IFT172: variants seen among roughly 807,000 people sequenced by gnomAD.
The protein encoded by IFT172 is intraflagellar transport protein 172 homolog.
IFT172 carries 164 observed loss-of-function variants against 248.9 expected under a neutral mutation model. That is an observed-to-expected ratio of 0.66 (90% confidence interval 0.58 to 0.75). The LOEUF (loss-of-function observed/expected upper bound fraction) is 0.75, where lower values mean the gene tolerates loss of function less well. IFT172 is among the 30% of genes least tolerant of loss of function. The pLI, the probability that IFT172 is intolerant of heterozygous loss-of-function variation, is 0.00. For missense variants in IFT172, 1,950 were observed against 2,192.4 expected, an observed-to-expected ratio of 0.89 and a Z score of 2.21; for synonymous variants, 729 against 791.6, an observed-to-expected ratio of 0.92 and a Z score of 1.33.
chr2:27,487,921 T>C (rs1668880821), intron 1 of IFT172, among the ~76,000 whole-genome samples: 1 of 152,114 alleles, frequency 6.6e-6, no homozygotes, highest in African/African-American at 2.4e-5. Flanking sequence ...TGTAAATCCA[T>C]AAACCATAAT....
rs1420528738 is a variant in IFT172 at position 27,477,273 on chromosome 2, C to A, written c.1269G>T (p.Gly423=). The change falls in exon 13 of 48, where the codon GGG becomes GGT. Residue 423 remains glycine (G), a synonymous_variant. Transcript: ENST00000260570. ...GTACAGAACCCAGGGTGTCATTATT[C>A]CCATATTCCACCAGGGTTAGCTCTC... The part of the protein sequence containing the change: ...NAGELTLVEY[G]NNDTLGSVRT... 1 of 1,614,000 alleles carries A rather than the reference C, an allele frequency of 6.2e-7. No individual in the cohort carries two copies. The highest frequency in any genetic ancestry group is 1.3e-5 in the African/African-American group (1 of 74,884).
In IFT172 at chr2:27,457,951, C is replaced by T. The variant is rs1666300541; in HGVS notation, c.3001G>A (p.Asp1001Asn). 1 of 1,614,146 alleles carries T rather than the reference C, an allele frequency of 6.2e-7. No homozygotes were observed. Among genetic ancestry groups the T allele is most frequent in the Non-Finnish European group, 8.5e-7 (1 of 1,180,020 alleles). The change falls in exon 28 of 48, where the codon GAT (aspartate) becomes AAT (asparagine). Residue 1001 changes from aspartate (D) to asparagine (N), a missense_variant. Transcript: ENST00000260570. Reference protein sequence around the residue: ...ERLYVTVQEPDLAITMYKKHK... With the variant: ...ERLYVTVQEPNLAITMYKKHK... ...TTTTTGTACATGGTGATGGCAAGATCAGGCTCTTGTACTGTCACATATAGC... is the reference window on the plus strand; with the variant it reads ...TTTTTGTACATGGTGATGGCAAGATTAGGCTCTTGTACTGTCACATATAGC...
At chr2:27,456,025 A>G (rs1160895993) in intron 30 of IFT172, among the ~76,000 whole-genome samples, 2 of 152,102 alleles carry the variant, frequency 1.3e-5, no homozygotes, top group Non-Finnish European at 2.9e-5. Flanking sequence ...CATCCTGGCC[A>G]ACATGGTGAA....
At position 27,458,850 on chromosome 2, in the gene IFT172, T is replaced by C. The variant is rs1666402714; in HGVS notation, c.2806A>G (p.Thr936Ala). The change falls in exon 26 of 48, where the codon ACT becomes GCT. Residue 936 changes from threonine to alanine, a missense_variant. By Grantham distance (58) the Thr-to-Ala change is moderately conservative. Coordinates refer to ENST00000260570, the MANE Select transcript of IFT172 (RefSeq NM_015662.3). ...GCATCTTTTGTCCGATCTCCCTTAG[T>C]ATAGAGCTCCTCAGCAATCTGTAGT... is the stretch of plus-strand genomic sequence containing the variant. ...QEYEIAEELYTKGDRTKDAID... is the reference protein window; with the variant it reads ...QEYEIAEELYAKGDRTKDAID... The C allele has an allele frequency of 5.6e-6, 9 of 1,614,096 alleles. No homozygotes were observed. Among genetic ancestry groups the C allele is most frequent in the Middle Eastern group, 3.3e-4 (2 of 6,062 alleles).
intron 21 of IFT172, 97 bp from the exon 22 acceptor site, chr2:27,461,614 C>T (rs1666676301): frequency 1.3e-6 from 2 of 1,526,936 alleles, no homozygotes; most frequent in Non-Finnish European, 9.0e-7. Flanking sequence ...GGGAATCCTC[C>T]TGGGTCAGCA....
chr2:27,476,927 G>C, intron 13 of IFT172: 1 of 590,202 alleles, frequency 1.7e-6, no homozygotes, highest in Non-Finnish European at 3.0e-6. Context: ...GGCTCCGGGT[G>C]ATTCTCCTAC....
chr2:27,479,151 C>T (rs572841213), intron 10 of IFT172, among the ~76,000 whole-genome samples: 10 of 152,186 alleles, frequency 6.6e-5, no homozygotes, highest in African/African-American at 2.2e-4. Flanking sequence ...ACTACAGGCA[C>T]CCGCCACAAC....
At chr2:27,476,559 C>T (rs1037777926) in intron 14 of IFT172, 82 bp downstream of exon 14, 4 of 821,530 alleles carry the variant, frequency 4.9e-6, no homozygotes, top group Non-Finnish European at 8.1e-6. Flanking sequence ...TCCTGCATTC[C>T]CCACTGAATG....
chr2:27,453,146 T>A (rs1665835946), intron 35 of IFT172: 1 of 659,858 alleles, frequency 1.5e-6, no homozygotes, highest in African/African-American at 1.8e-5. Context: ...ATGATAGTAA[T>A]TGAGCCATTT....
intron 35 of IFT172, among the ~76,000 whole-genome samples, chr2:27,450,676 T>C (rs1357709677): frequency 6.6e-6 from 1 of 152,176 alleles, no homozygotes; most frequent in Non-Finnish European, 1.5e-5. Flanking sequence ...CTGCAACCTC[T>C]CCCTCCCAGG....
Position 27,445,171 on chromosome 2 carries a change from A to G in IFT172, c.5069-66T>C. On this transcript the variant is annotated intron_variant, in intron 46 of 47. Transcript: ENST00000260570. The surrounding 1 kb of genome is among the most constrained non-coding windows in gnomAD (Gnocchi z 4.4). Reference sequence around the variant, plus strand: ...GATTGAGGAGGGAAAAATGAGGAGCAGCCTGGGGGGTAGAAAGCACAGTCC... The same window carrying G: ...GATTGAGGAGGGAAAAATGAGGAGCGGCCTGGGGGGTAGAAAGCACAGTCC... 6.2e-7 allele frequency: 1 copy of G among 1,603,028 alleles called. No homozygotes were observed. Among genetic ancestry groups the G allele is most frequent in the Non-Finnish European group, 8.5e-7 (1 of 1,173,152 alleles).
chr2:27,479,251 C>T (rs1479063373), intron 10 of IFT172, among the ~76,000 whole-genome samples: 2 of 152,122 alleles, frequency 1.3e-5, no homozygotes, highest in East Asian at 1.9e-4. Context: ...GTGATCCGCC[C>T]GCCTCGGCCT....
intron 12 of IFT172, 69 bp from the exon 13 acceptor site, chr2:27,477,389 G>T: frequency 7.2e-7 from 1 of 1,398,370 alleles, no homozygotes; most frequent in Non-Finnish European, 1.0e-6. Context: ...GAGGTGTACT[G>T]TCAGTTCAAG....
At position 27,476,685 on chromosome 2, in the gene IFT172, T is replaced by A. The variant is rs528303561; in HGVS notation, c.1367A>T (p.Asn456Ile). ...NERCQRGTED[N>I]KKLAYLIDIK... ...ATCAATAAGATAAGCCAATTTCTTA[T>A]TATCTTCTGTTCCTCGCTGACACCT... Residue 456 changes from asparagine to isoleucine, a missense_variant, in exon 14 of 48, where the codon AAT (asparagine) becomes ATT (isoleucine). By Grantham distance (149) the Asn-to-Ile change is moderately radical. Around this residue, in one of 3 missense-constraint regions of IFT172, gnomAD observed 1,166 missense variants for 1,254.1 expected, o/e 0.93. Transcript: ENST00000260570. 4.3e-6 allele frequency: 7 copies of A among 1,612,614 alleles called. No homozygotes were observed. The African/African-American group carries it at 9.3e-5, about 21-fold the overall frequency.
rs1177391799 is a variant in IFT172, at chr2:27,465,750, T to C, written c.1825A>G (p.Ile609Val). ...GGTTATTGGCCAGCCTCTCACCGGA[T>C]GTAGTTGCCATCATCAATGGCTGTT... Reference protein sequence around the residue: ...FGTAIDDGNYIRATAFLETLE... With the variant: ...FGTAIDDGNYVRATAFLETLE... The change falls in exon 17 of 48, where the codon ATC (isoleucine) becomes GTC (valine). Residue 609 changes from isoleucine to valine, a missense_variant. Ile to Val is a conservative substitution (Grantham distance 29). Coordinates refer to ENST00000260570, the MANE Select transcript of IFT172 (RefSeq NM_015662.3). 2 of 1,614,154 alleles carry C rather than the reference T, an allele frequency of 1.2e-6. No individual in the cohort carries two copies. The highest frequency in any genetic ancestry group is 4.5e-5 in the East Asian group (2 of 44,888).
intron 1 of IFT172, 87 bp downstream of exon 1, chr2:27,489,528 A>C: frequency 2.1e-6 from 2 of 959,292 alleles, no homozygotes; most frequent in Non-Finnish European, 3.3e-6. Context: ...TGCACACAGT[A>C]GGAGGTCAAC....
chr2:27,444,408 C>T lies in IFT172; in HGVS notation c.*24G>A. 1 of 1,497,310 alleles carries T rather than the reference C, an allele frequency of 6.7e-7. No homozygotes were observed. The highest frequency in any genetic ancestry group is 9.3e-7 in the Non-Finnish European group (1 of 1,077,630). 92.8% of individuals were successfully genotyped at this position (1,497,310 alleles called of 1,614,324 possible). On this transcript the variant is annotated 3_prime_UTR_variant, in exon 48 of 48. Transcript: ENST00000260570. Reference sequence around the variant, plus strand: ...ATAAAACTTTAATGAGGGAGAGGCCCTAACTCTTCCTCAGCTCTACCAACT... The same window carrying T: ...ATAAAACTTTAATGAGGGAGAGGCCTTAACTCTTCCTCAGCTCTACCAACT...
chr2:27,468,308 T>C (rs1667274628), intron 16 of IFT172, among the ~76,000 whole-genome samples: 2 of 151,612 alleles, frequency 1.3e-5, no homozygotes, highest in Non-Finnish European at 2.9e-5. Context: ...CCTCGGCTCA[T>C]TGCAACCTTT....
chr2:27,466,032 A>G (rs1020953561), intron 16 of IFT172, 150 bp from the exon 17 acceptor site: 18 of 855,528 alleles, frequency 2.1e-5, no homozygotes, highest in Non-Finnish European at 2.8e-5. Context: ...TCTCTCAAGC[A>G]TAAAAAAATA....
Sources: allele counts gnomAD v4.1 joint callset (sites outside exome capture counted in the v4.1 genomes callset), GRCh38; gene constraint gnomAD v4.1.1; regional missense constraint gnomAD v4.1.1; non-coding constraint Gnocchi (gnomAD v3.1); transcripts MANE v1.5; gene names NCBI Gene and HGNC (gene_info 2026-07-23, HGNC 2026-07-21).